Variants in HEATR6 observed in about 807,000 individuals in gnomAD.
The protein encoded by HEATR6 is HEAT repeat containing 6.
In HEATR6, 106 loss-of-function variants were observed where a neutral mutation model predicts 132.8. The observed-to-expected ratio is 0.80, with a 90% CI of 0.68 to 0.94. The LOEUF is 0.94. HEATR6 is among the 40% of genes least tolerant of loss of function. The probability of loss-of-function intolerance (pLI) is 0.00; values close to 1 mark genes in which losing one functional copy is unlikely to be tolerated. For missense variants in HEATR6, 1,339 were observed against 1,425.1 expected (o/e 0.94, Z 0.97); for synonymous variants, 529 against 537.8 (o/e 0.98, Z 0.23).
At position 60,050,829 on chromosome 17, in the gene HEATR6, C is replaced by G; in HGVS notation, c.2424+14G>C. On this transcript the variant is annotated intron_variant, in intron 15 of 19. Coordinates refer to ENST00000184956, the MANE Select transcript of HEATR6 (RefSeq NM_022070.5). Reference sequence around the variant, plus strand: ...CAGCCATGATTTAAGGGTGAGAAAACACCCTCACATTACCGGCAGATTGCT... The same window carrying G: ...CAGCCATGATTTAAGGGTGAGAAAAGACCCTCACATTACCGGCAGATTGCT... 6.2e-7 allele frequency: 1 copy of G among 1,613,844 alleles called. No homozygotes were observed. Among genetic ancestry groups the G allele is most frequent in the South Asian group, 1.1e-5 (1 of 91,052 alleles).
intron 16 of HEATR6, 145 bp downstream of exon 16, chr17:60,049,435 C>A (rs1906506920): frequency 1.1e-6 from 1 of 921,856 alleles, no homozygotes; most frequent in Non-Finnish European, 1.6e-6. Context: ...TGGCCCATGA[C>A]CATATTTTAG....
At chr17:60,070,548 TTAAG>T (rs2083265120) in intron 6 of HEATR6, among the ~76,000 whole-genome samples, 154 bp downstream of exon 6, 1 of 152,216 alleles carries the variant, frequency 6.6e-6, no homozygotes, top group South Asian at 2.1e-4. Context: ...GTTCTTAATA[TTAAG>T]TGTCTTTGAA....
At chr17:60,069,943 T>C in intron 6 of HEATR6, 95 bp from the exon 7 acceptor site, 1 of 1,427,470 alleles carries the variant, frequency 7.0e-7, no homozygotes, top group Non-Finnish European at 9.6e-7. Flanking sequence ...ATTTACCATG[T>C]CTGGATCACA....
At position 60,078,897 on chromosome 17, in the gene HEATR6, A is replaced by G. The variant is rs1370111435; in HGVS notation, c.18T>C (p.Val6=). 1 of 1,229,118 alleles carries G rather than the reference A, an allele frequency of 8.1e-7. No individual in the cohort carries two copies. Among genetic ancestry groups the G allele is most frequent in the East Asian group, 5.4e-5 (1 of 18,636 alleles). 76.1% of individuals were successfully genotyped at this position (1,229,118 alleles called of 1,614,324 possible). A position where few individuals can be genotyped will look rare whatever the true frequency, so the allele number is the denominator to read the frequency against. The change falls in exon 1 of 20, where the codon GTT becomes GTC. Residue 6 remains valine, a synonymous_variant. Coordinates refer to ENST00000184956, the MANE Select transcript of HEATR6 (RefSeq NM_022070.5). MAAVQ[V]VGSWPSVQPR... is the part of the protein sequence containing the mutation. ...GCTGCACGGAAGGCCACGAACCGAC[A>G]ACTTGCACAGCAGCCATCTTTTCTA... is the stretch of plus-strand genomic sequence containing the variant.
chr17:60,066,203 T>C lies in HEATR6; in HGVS notation c.1416+6A>G. 1 of 1,608,778 alleles carries C rather than the reference T, an allele frequency of 6.2e-7. No homozygotes were observed. Among genetic ancestry groups the C allele is most frequent in the Admixed American group, 1.7e-5 (1 of 59,128 alleles). ...ATTATAAAGCTTAGAGTTTAAATTCTCTTACCTTTGGAGAAGGGTCTTTCA... is the reference window on the plus strand; with the variant it reads ...ATTATAAAGCTTAGAGTTTAAATTCCCTTACCTTTGGAGAAGGGTCTTTCA... On this transcript the variant is annotated splice_donor_region_variant and intron_variant, in intron 9 of 19. Coordinates refer to ENST00000184956, the MANE Select transcript of HEATR6 (RefSeq NM_022070.5).
In HEATR6 at chr17:60,050,895, C is replaced by T. The variant is rs1242675199; in HGVS notation, c.2372G>A (p.Ser791Asn). Reference sequence around the variant, plus strand: ...GATGGAAGACAGGGCATCACAGGCGCTCGCCTGGAGAGTTGGGTGTTCTGA... The same window carrying T: ...GATGGAAGACAGGGCATCACAGGCGTTCGCCTGGAGAGTTGGGTGTTCTGA... The part of the protein sequence containing the change: ...QNSEHPTLQA[S>N]ACDALSSILP... Residue 791 changes from serine (S) to asparagine (N), a missense_variant, in exon 15 of 20, where the codon AGC (serine) becomes AAC (asparagine). Coordinates refer to ENST00000184956, the MANE Select transcript of HEATR6 (RefSeq NM_022070.5). 1.2e-6 allele frequency: 2 copies of T among 1,614,200 alleles called. No individual in the cohort carries two copies. The highest frequency in any genetic ancestry group is 1.7e-6 in the Non-Finnish European group (2 of 1,180,028).
chr17:60,047,364 A>G lies in HEATR6; in HGVS notation c.2714T>C (p.Leu905Pro). 3 of 1,613,402 alleles carry G rather than the reference A, an allele frequency of 1.9e-6. No individual in the cohort carries two copies. Among genetic ancestry groups the G allele is most frequent in the Non-Finnish European group, 2.5e-6 (3 of 1,179,634 alleles). ...TGATCGTAACATTTTCAAGAGCAGG[A>G]GACCAGAGAACTCTTCCTGGAAACT... ...DPSFQEEFSG[L>P]LLLKMLRSAI... The change falls in exon 18 of 20, where the codon CTC becomes CCC. Residue 905 changes from leucine to proline, a missense_variant. Coordinates refer to ENST00000184956, the MANE Select transcript of HEATR6 (RefSeq NM_022070.5).
At chr17:60,075,318 G>A (rs962811076) in intron 2 of HEATR6, among the ~76,000 whole-genome samples, 1 of 152,160 alleles carries the variant, frequency 6.6e-6, no homozygotes, top group African/African-American at 2.4e-5. Context: ...GGCTACAGAT[G>A]CGTCCCTTGG....
In HEATR6 at chr17:60,076,023, C is replaced by T. The variant is rs562743637; in HGVS notation, c.327+107G>A. On this transcript the variant is annotated intron_variant, in intron 2 of 19. Transcript: ENST00000184956. ...ATTTAGGCATTTGCTTTTCCTATAGCATCTCAAAAAACAGCCTATCATACC... is the reference window on the plus strand; with the variant it reads ...ATTTAGGCATTTGCTTTTCCTATAGTATCTCAAAAAACAGCCTATCATACC... 28 of 606,320 alleles carry T rather than the reference C, an allele frequency of 4.6e-5. No individual in the cohort carries two copies. The Admixed American group carries it at 8.1e-4, about 17-fold the overall frequency. 37.6% of individuals were successfully genotyped at this position (606,320 alleles called of 1,614,324 possible).
intron 14 of HEATR6, among the ~76,000 whole-genome samples, chr17:60,052,782 C>CA (rs1906625016): frequency 6.6e-6 from 1 of 152,216 alleles, no homozygotes; most frequent in African/African-American, 2.4e-5. Flanking sequence ...TTGGAACTGG[C>CA]ACAGTGTAGG....
Position 60,060,034 on chromosome 17 carries a change from A to T in HEATR6, c.1479T>A (p.Ser493=), listed in dbSNP as rs1284365088. 2 of 1,613,990 alleles carry T rather than the reference A, an allele frequency of 1.2e-6. No individual in the cohort carries two copies. Among genetic ancestry groups the T allele is most frequent in the Non-Finnish European group, 1.7e-6 (2 of 1,179,970 alleles). Residue 493 remains serine (S), a synonymous_variant, in exon 10 of 20, where the codon TCT becomes TCA. Coordinates refer to ENST00000184956, the MANE Select transcript of HEATR6 (RefSeq NM_022070.5). ...AILEGSKQFL[S]VAEDTSDHRR... ...TGTGGTCACTGGTATCTTCAGCAAC[A>T]GAAAGAAACTGCTTTGAGCCTTCCA...
At chr17:60,072,194 C>T (rs776086626) in intron 5 of HEATR6, 21 bp downstream of exon 5, 23 of 1,276,938 alleles carry the variant, frequency 1.8e-5, no homozygotes, top group African/African-American at 3.0e-5. Flanking sequence ...ACATTCACTA[C>T]GTCAATGATA....
In HEATR6 at chr17:60,069,957, C is replaced by T. The variant is rs1041013968; in HGVS notation, c.802-109G>A. On this transcript the variant is annotated intron_variant, in intron 6 of 19. Coordinates refer to ENST00000184956, the MANE Select transcript of HEATR6 (RefSeq NM_022070.5). Reference sequence around the variant, plus strand: ...TATTTACCATGTCTGGATCACAACACTCATAGATAATGTTCAAAAGCCTAC... The same window carrying T: ...TATTTACCATGTCTGGATCACAACATTCATAGATAATGTTCAAAAGCCTAC... 8.5e-6 allele frequency: 11 copies of T among 1,296,522 alleles called. 1 individual carries two copies. Among genetic ancestry groups the T allele is most frequent in the Admixed American group, 6.9e-5 (3 of 43,772 alleles). The allele number at this position is 1,296,522 out of a possible 1,614,324, so 80.3% of individuals were successfully genotyped here. A position where few individuals can be genotyped will look rare whatever the true frequency, so the allele number is the denominator to read the frequency against.
Position 60,076,256 on chromosome 17 carries a change from T to C in HEATR6, c.220-19A>G. ...TAACGTCCTACCAAAAAAAAAAAGA[T>C]AAGAGGTAAAATACTTATTAGTCAA... On this transcript the variant is annotated intron_variant, in intron 1 of 19. Coordinates refer to ENST00000184956, the MANE Select transcript of HEATR6 (RefSeq NM_022070.5). 1 of 1,363,698 alleles carries C rather than the reference T, an allele frequency of 7.3e-7. No individual in the cohort carries two copies. The highest frequency in any genetic ancestry group is 1.0e-6 in the Non-Finnish European group (1 of 968,378). The allele number at this position is 1,363,698 out of a possible 1,614,324, so 84.5% of individuals were successfully genotyped here. A position where few individuals can be genotyped will look rare whatever the true frequency, so the allele number is the denominator to read the frequency against.
Position 60,055,727 on chromosome 17 carries a change from G to A in HEATR6, c.2203-126C>T, listed in dbSNP as rs563899922. The stretch of plus-strand genomic sequence containing the variant: ...CTCCACTCGAGTAACACCTTCACTC[G>A]AGTGACACCTTCACTCTAGTAACAC... On this transcript the variant is annotated intron_variant, in intron 13 of 19. Coordinates refer to ENST00000184956, the MANE Select transcript of HEATR6 (RefSeq NM_022070.5). The A allele has an allele frequency of 3.1e-4, 183 of 582,522 alleles. 1 individual carries two copies. In the South Asian group the frequency reaches 4.6e-3, roughly 15 times the overall value. 36.1% of individuals were successfully genotyped at this position (582,522 alleles called of 1,614,324 possible).
Position 60,067,425 on chromosome 17 carries a change from T to C in HEATR6, c.1238+9A>G. 6.6e-7 allele frequency: 1 copy of C among 1,510,968 alleles called. No individual in the cohort carries two copies. The highest frequency in any genetic ancestry group is 1.4e-5 in the South Asian group (1 of 73,860). The allele number at this position is 1,510,968 out of a possible 1,614,324, so 93.6% of individuals were successfully genotyped here. A position where few individuals can be genotyped will look rare whatever the true frequency, so the allele number is the denominator to read the frequency against. ...TACAAGGTATAAAAATGTAACAAAA[T>C]ACTACTACCTCATTTTACTCTGCAT... On this transcript the variant is annotated intron_variant, in intron 8 of 19. Coordinates refer to ENST00000184956, the MANE Select transcript of HEATR6 (RefSeq NM_022070.5).
At chr17:60,048,451 TCA>T in intron 16 of HEATR6, 63 bp from the exon 17 acceptor site, 1 of 1,466,100 alleles carries the variant, frequency 6.8e-7, no homozygotes, top group Non-Finnish European at 9.2e-7. Context: ...TTTGAAATTC[TCA>T]CTTATTTTCA....
intron 9 of HEATR6, among the ~76,000 whole-genome samples, chr17:60,062,350 A>C (rs773348774): frequency 6.6e-6 from 1 of 152,262 alleles, no homozygotes; most frequent in Non-Finnish European, 1.5e-5. Flanking sequence ...AAAATGATGA[A>C]TGAAAGGCTT....
chr17:60,048,972 C>CGTGTGT (rs1906466377), intron 16 of HEATR6, among the ~76,000 whole-genome samples: 8 of 59,520 alleles, frequency 1.3e-4, no homozygotes, highest in African/African-American at 1.0e-3. Flanking sequence ...AAATAAATAA[C>CGTGTGT]ATATATATAT....
Sources: gnomAD v4.1 joint callset for allele counts (sites outside exome capture counted in the v4.1 genomes callset) on GRCh38, gnomAD v4.1.1 for gene constraint, MANE v1.5 for transcripts, NCBI Gene and HGNC (gene_info 2026-07-23, HGNC 2026-07-21) for gene names.